The following ARHGAP21 variants were observed in gnomAD, a reference collection of about 807,000 sequenced individuals.
ARHGAP21 encodes the protein rho GTPase-activating protein 21.
In ARHGAP21, 38 loss-of-function variants were observed where a neutral mutation model predicts 164.6. The observed-to-expected ratio is 0.23, with a 90% confidence interval of 0.18 to 0.30. The LOEUF is 0.30. ARHGAP21 is among the 10% of genes least tolerant of loss of function. The pLI, the probability that ARHGAP21 is intolerant of heterozygous loss-of-function variation, is 1.00. For synonymous variants in ARHGAP21, 766 were observed against 857.9 expected (o/e 0.89, Z 1.87); for missense variants, 1,822 against 2,370.7 (o/e 0.77, Z 4.81).
At chr10:24,682,049 A>T (rs1423912538) in intron 2 of ARHGAP21, among the ~76,000 whole-genome samples, 1 of 152,090 alleles carries the variant, frequency 6.6e-6, no homozygotes, top group Non-Finnish European at 1.5e-5. Flanking sequence ...TGTTAAGAAG[A>T]TTAAATGAGT....
intron 4 of ARHGAP21, among the ~76,000 whole-genome samples, chr10:24,656,505 C>T (rs1328959139): frequency 2.6e-5 from 2 of 76,334 alleles, no homozygotes; most frequent in Non-Finnish European, 5.3e-5. Flanking sequence ...CCGCCCCGTC[C>T]GGGAGGGAGG....
chr10:24,642,150 A>G (rs1022513313), intron 4 of ARHGAP21, among the ~76,000 whole-genome samples: 24 of 152,188 alleles, frequency 1.6e-4, no homozygotes, highest in African/African-American at 5.8e-4. Flanking sequence ...TTTTAATGCA[A>G]ATCCCAGATA....
chr10:24,653,791 G>A (rs1051707348), intron 4 of ARHGAP21, among the ~76,000 whole-genome samples: 1 of 152,084 alleles, frequency 6.6e-6, no homozygotes, highest in Non-Finnish European at 1.5e-5. Flanking sequence ...TTTTGTGCTT[G>A]ATTTCTTCCA....
At chr10:24,632,524 G>A (rs1593103202) in intron 6 of ARHGAP21, among the ~76,000 whole-genome samples, 1 of 152,148 alleles carries the variant, frequency 6.6e-6, no homozygotes, top group Non-Finnish European at 1.5e-5. Flanking sequence ...TCATTTAATT[G>A]TAAGAAATGG....
At chr10:24,689,659 T>C (rs1842527561) in intron 2 of ARHGAP21, among the ~76,000 whole-genome samples, 1 of 152,062 alleles carries the variant, frequency 6.6e-6, no homozygotes, top group East Asian at 1.9e-4. Context: ...AAGGATCATC[T>C]GAGCCCGGAA....
chr10:24,602,041 G>A lies in ARHGAP21; in HGVS notation c.2784C>T (p.Val928=). The A allele has an allele frequency of 6.2e-7, 1 of 1,612,756 alleles. No homozygotes were observed. The highest frequency in any genetic ancestry group is 8.5e-7 in the Non-Finnish European group (1 of 1,179,922). ...SGSRKDSSSE[V]FSDAAKEGWL... ...ACCCTTCCTTGGCAGCATCACTGAA[G>A]ACCTCTGAGGAAGAATCTTTTCTGG... The change falls in exon 13 of 26, where the codon GTC becomes GTT. Residue 928 remains valine (V), a synonymous_variant. Coordinates refer to ENST00000396432, the MANE Select transcript of ARHGAP21 (RefSeq NM_020824.4).
chr10:24,605,401 T>C (rs535507733), intron 11 of ARHGAP21, among the ~76,000 whole-genome samples: 19 of 152,174 alleles, frequency 1.2e-4, no homozygotes, highest in African/African-American at 4.1e-4. Flanking sequence ...CAGTGTGTAG[T>C]TGGTGTAGGG....
At position 24,670,335 on chromosome 10, in the gene ARHGAP21, T is replaced by A; in HGVS notation, c.126A>T (p.Thr42=). 1 of 1,609,668 alleles carries A rather than the reference T, an allele frequency of 6.2e-7. No homozygotes were observed. ...CTGTTTTGGGACCTGGCCAGGAGAATGTTTCATCTTCAGACAGTGATACAG... is the reference window on the plus strand; with the variant it reads ...CTGTTTTGGGACCTGGCCAGGAGAAAGTTTCATCTTCAGACAGTGATACAG... ...SETVSLSEDE[T]FSWPGPKTVT... The change falls in exon 3 of 26, where the codon ACA becomes ACT. Residue 42 remains threonine, a synonymous_variant. Transcript: ENST00000396432.
At chr10:24,630,248 G>A (rs1835723870) in intron 6 of ARHGAP21, among the ~76,000 whole-genome samples, 198 bp from the exon 7 acceptor site, 1 of 152,154 alleles carries the variant, frequency 6.6e-6, no homozygotes, top group African/African-American at 2.4e-5. Flanking sequence ...ATATACAAAA[G>A]AGGGACGGAC....
Position 24,589,300 on chromosome 10 carries a change from A to C in ARHGAP21, c.4153T>G (p.Ser1385Ala). The C allele has an allele frequency of 6.2e-7, 1 of 1,608,236 alleles. No homozygotes were observed. Among genetic ancestry groups the C allele is most frequent in the Non-Finnish European group, 8.5e-7 (1 of 1,175,844 alleles). The part of the protein sequence containing the change: ...TGVSPGDVSD[S>A]ATSDSTKSKG... ...GATTTTGTTGAGTCACTAGTAGCTG[A>C]ATCTGTGAAAAATTAAATAAAACAT... Residue 1385 changes from serine to alanine, a missense_variant and splice_region_variant, in exon 25 of 26, where the codon TCA becomes GCA. Physicochemically the swap from Ser to Ala is moderately conservative, Grantham distance 99 (BLOSUM62 1). Transcript: ENST00000396432.
chr10:24,664,333 G>A (rs1207223579), intron 4 of ARHGAP21, among the ~76,000 whole-genome samples: 1 of 152,042 alleles, frequency 6.6e-6, no homozygotes, highest in Non-Finnish European at 1.5e-5. Context: ...GAGGCAGGCG[G>A]ATCATGAGGT....
intron 2 of ARHGAP21, among the ~76,000 whole-genome samples, chr10:24,709,546 C>G (rs1844565021): frequency 6.6e-6 from 1 of 151,928 alleles, no homozygotes; most frequent in Admixed American, 6.6e-5. Context: ...AAGACCAGCT[C>G]AGGCAAAACA....
intron 9 of ARHGAP21, among the ~76,000 whole-genome samples, chr10:24,609,217 C>G (rs2077155212): frequency 6.6e-6 from 1 of 152,100 alleles, no homozygotes; most frequent in Admixed American, 6.6e-5. Flanking sequence ...CCTTGCAAAA[C>G]TAAAGAGAGT....
chr10:24,700,313 T>C (rs1490446672), intron 2 of ARHGAP21, among the ~76,000 whole-genome samples: 2 of 152,088 alleles, frequency 1.3e-5, no homozygotes, highest in Non-Finnish European at 2.9e-5. Flanking sequence ...AGGTGATGAG[T>C]GTGGAAGTGC....
intron 4 of ARHGAP21, among the ~76,000 whole-genome samples, chr10:24,656,012 GC>G (rs1258851225): frequency 7.0e-6 from 1 of 142,388 alleles, no homozygotes; most frequent in African/African-American, 2.7e-5. Flanking sequence ...GAGCCCCTCC[GC>G]CCGGCAGCTG....
chr10:24,722,102 C>G lies in ARHGAP21; in HGVS notation c.-203G>C. 1.6e-6 allele frequency: 1 copy of G among 606,994 alleles called. No individual in the cohort carries two copies. Among genetic ancestry groups the G allele is most frequent in the Non-Finnish European group, 3.0e-6 (1 of 336,372 alleles). The allele number at this position is 606,994 out of a possible 1,614,324, so 37.6% of individuals were successfully genotyped here. On this transcript the variant is annotated 5_prime_UTR_variant, in exon 2 of 26. Transcript: ENST00000396432. Reference sequence around the variant, plus strand: ...CCTCGCTGATTTCTCGTGACTTCAACTGACTTCGCCTTCTTCTTCCATTTC... The same window carrying G: ...CCTCGCTGATTTCTCGTGACTTCAAGTGACTTCGCCTTCTTCTTCCATTTC...
chr10:24,590,127 TAATGA>T, intron 24 of ARHGAP21: 1 of 1,250,240 alleles, frequency 8.0e-7, no homozygotes, highest in African/African-American at 1.5e-5. Flanking sequence ...TTTTCAGAAT[TAATGA>T]GCTGAGCCCC....
At chr10:24,721,729 C>T in intron 2 of ARHGAP21, 108 bp downstream of exon 2, 1 of 1,304,750 alleles carries the variant, frequency 7.7e-7, no homozygotes, top group Non-Finnish European at 1.1e-6. Context: ...AGGCTCAAAG[C>T]CCCGGGAAGC....
chr10:24,646,317 A>G (rs997924861), intron 4 of ARHGAP21, among the ~76,000 whole-genome samples: 1 of 151,988 alleles, frequency 6.6e-6, no homozygotes, highest in Non-Finnish European at 1.5e-5. Flanking sequence ...TAAGGTCTTA[A>G]GTTATGGAGC....
Sources: allele counts gnomAD v4.1 joint callset (sites outside exome capture counted in the v4.1 genomes callset), GRCh38; gene constraint gnomAD v4.1.1; transcripts MANE v1.5; gene names NCBI Gene and HGNC (gene_info 2026-07-23, HGNC 2026-07-21).